The following CNBD1 variants were observed in gnomAD, a reference collection of about 807,000 sequenced individuals.
The protein encoded by CNBD1 is cyclic nucleotide binding domain containing 1.
In CNBD1, 71 loss-of-function variants were observed where a neutral mutation model predicts 54.4. That is an observed-to-expected ratio of 1.30 (90% confidence interval 1.08 to 1.59). The LOEUF is 1.59. CNBD1 is among the 40% of genes most tolerant of loss of function. The pLI is 0.00. For missense variants in CNBD1, 659 were observed against 518.0 expected (o/e 1.27, Z -2.64); for synonymous variants, 182 against 170.7 (o/e 1.07, Z -0.51).
chr8:87,039,693 G>A (rs1328076737), intron 4 of CNBD1, among the ~76,000 whole-genome samples: 1 of 152,146 alleles, frequency 6.6e-6, no homozygotes, highest in Non-Finnish European at 1.5e-5. Context: ...CCAGAGTTTT[G>A]TAATTACTCA....
downstream of CNBD1, among the ~76,000 whole-genome samples, chr8:87,385,296 G>A (rs546855724): frequency 4.8e-4 from 73 of 152,260 alleles, no homozygotes; most frequent in Non-Finnish European, 8.1e-4. Context: ...GCAGCGCACC[G>A]AGTGTGAGCC....
chr8:87,234,932 C>T (rs1467211655), intron 5 of CNBD1, among the ~76,000 whole-genome samples: 13 of 152,148 alleles, frequency 8.5e-5, no homozygotes, highest in Admixed American at 8.5e-4. Flanking sequence ...TTAGTGTAAC[C>T]ACCTTTATCA....
intron 4 of CNBD1, among the ~76,000 whole-genome samples, chr8:87,122,583 T>G (rs1482311039): frequency 6.6e-6 from 1 of 151,890 alleles, no homozygotes; most frequent in Non-Finnish European, 1.5e-5. Flanking sequence ...GCCTGTGTTT[T>G]AGGAGTCGTA....
At chr8:87,391,912 G>A (rs191380051) in intron 2 of CNBD1, among the ~76,000 whole-genome samples, 76 of 152,172 alleles carry the variant, frequency 5.0e-4, no homozygotes, top group Admixed American at 8.5e-4. Context: ...TCCACAGAAT[G>A]TGAGAAAATT....
At chr8:87,410,141 T>C (rs1807716931) in intron 2 of CNBD1, among the ~76,000 whole-genome samples, 1 of 152,160 alleles carries the variant, frequency 6.6e-6, no homozygotes, top group African/African-American at 2.4e-5. Context: ...AAGCCCAGAA[T>C]TGAGACCTAC....
intron 1 of CNBD1, among the ~76,000 whole-genome samples, chr8:86,884,081 G>A (rs1311414226): frequency 6.6e-6 from 1 of 151,608 alleles, no homozygotes; most frequent in Admixed American, 6.6e-5. Flanking sequence ...GAACCCGGGA[G>A]GCGGAGCTTG....
intron 10 of CNBD1, among the ~76,000 whole-genome samples, chr8:87,376,919 G>C (rs1321851892): frequency 6.6e-6 from 1 of 151,234 alleles, no homozygotes; most frequent in Non-Finnish European, 1.5e-5. Flanking sequence ...TTTACTTGAG[G>C]ACACATGTCT....
intron 4 of CNBD1, among the ~76,000 whole-genome samples, chr8:87,085,345 T>G (rs1245854384): frequency 6.6e-6 from 1 of 152,154 alleles, no homozygotes; most frequent in Admixed American, 6.5e-5. Flanking sequence ...TTCTCAAATT[T>G]TGTACTTGAT....
At chr8:87,091,662 C>T (rs1040857626) in intron 4 of CNBD1, among the ~76,000 whole-genome samples, 1 of 152,160 alleles carries the variant, frequency 6.6e-6, no homozygotes, top group Non-Finnish European at 1.5e-5. Flanking sequence ...CCATTTTCTT[C>T]AGGGACTGGG....
At position 87,301,236 on chromosome 8, in the gene CNBD1, C is replaced by T. The variant is rs570860000; in HGVS notation, c.1042+14565C>T. ...AATTGCCAACAAAAAAAGTCCAGGA[C>T]CAGATGGATTCACAGCAGAATTCTA... On this transcript the variant is annotated intron_variant, in intron 8 of 10. Coordinates refer to ENST00000518476, the MANE Select transcript of CNBD1 (RefSeq NM_173538.3). Among the ~76,000 whole-genome samples the T allele has an allele frequency of 4.6e-5, 7 of 152,152 alleles. No homozygotes were observed. The South Asian group carries it at 1.5e-3, about 32-fold the overall frequency.
chr8:87,110,452 C>T (rs1457874524), intron 4 of CNBD1, among the ~76,000 whole-genome samples: 1 of 152,106 alleles, frequency 6.6e-6, no homozygotes, highest in Admixed American at 6.5e-5. Flanking sequence ...TACACGCTGC[C>T]TCCAACATCC....
In CNBD1 at chr8:87,368,846, C is replaced by T. The variant is rs144154655; in HGVS notation, c.1304-13774C>T. Among the ~76,000 whole-genome samples the T allele has an allele frequency of 2.0e-5, 3 of 152,018 alleles. No homozygotes were observed. The East Asian group carries it at 5.9e-4, about 30-fold the overall frequency. On this transcript the variant is annotated intron_variant, in intron 10 of 10. Coordinates refer to ENST00000518476, the MANE Select transcript of CNBD1 (RefSeq NM_173538.3). ...ACATATCTGAGGGTTACATTCTGTGCAAATCTGCCATAGGAGAATTATGTG... is the reference window on the plus strand; with the variant it reads ...ACATATCTGAGGGTTACATTCTGTGTAAATCTGCCATAGGAGAATTATGTG...
intron 4 of CNBD1, among the ~76,000 whole-genome samples, chr8:87,020,280 T>TACATC (rs2130575342): frequency 1.3e-5 from 2 of 152,176 alleles, no homozygotes; most frequent in Admixed American, 1.3e-4. Context: ...AATTGGCTAT[T>TACATC]ACATCACATC....
chr8:87,325,759 C>T (rs200411318), intron 8 of CNBD1, among the ~76,000 whole-genome samples: 5 of 147,668 alleles, frequency 3.4e-5, no homozygotes, highest in East Asian at 2.0e-4. Flanking sequence ...CTTTATCCAA[C>T]TTGCCAGTCT....
intron 2 of CNBD1, among the ~76,000 whole-genome samples, chr8:87,424,810 C>G (rs1261850355): frequency 6.6e-6 from 1 of 152,128 alleles, no homozygotes; most frequent in East Asian, 1.9e-4. Flanking sequence ...TGGAGTTGCT[C>G]TTCTCCAGGA....
chr8:86,917,585 G>A lies in CNBD1; in HGVS notation c.272+12391G>A, dbSNP rs13274484. Among the ~76,000 whole-genome samples the A allele has an allele frequency of 7.4e-3, 1,126 of 152,270 alleles. 7 individuals are homozygous for A. Among genetic ancestry groups the A allele is most frequent in the Non-Finnish European group, 0.012 (821 of 68,020 alleles). ...GGACTGATGGGTGGTAGGACTCTGG[G>A]GAGGGGAAGACCAAGCTGCTGAGTC... On this transcript the variant is annotated intron_variant, in intron 3 of 10. Coordinates refer to ENST00000518476, the MANE Select transcript of CNBD1 (RefSeq NM_173538.3).
In CNBD1 at chr8:87,296,032, C is replaced by A. The variant is rs746097404; in HGVS notation, c.1042+9361C>A. ...TAACAATGATTATTGCTGCTTGGTG[C>A]TATTGATTGTCTTTTTTCCTGTTTT... On this transcript the variant is annotated intron_variant, in intron 8 of 10. Coordinates refer to ENST00000518476, the MANE Select transcript of CNBD1 (RefSeq NM_173538.3). 2.0e-5 allele frequency among the ~76,000 whole-genome samples: 3 copies of A among 152,026 alleles called. No individual in the cohort carries two copies. In the East Asian group the frequency reaches 5.8e-4, roughly 29 times the overall value.
chr8:87,252,515 A>G (rs944062023), intron 6 of CNBD1, among the ~76,000 whole-genome samples: 2 of 152,190 alleles, frequency 1.3e-5, no homozygotes, highest in Non-Finnish European at 2.9e-5. Context: ...TTATTTTTCC[A>G]CTGGTATTTT....
chr8:86,980,672 C>T (rs536974863), intron 4 of CNBD1, among the ~76,000 whole-genome samples: 1 of 152,240 alleles, frequency 6.6e-6, no homozygotes, highest in East Asian at 1.9e-4. Context: ...ATTTGCTGTA[C>T]TGGTATTAAG....
Sources: gnomAD v4.1 joint callset for allele counts (sites outside exome capture counted in the v4.1 genomes callset) on GRCh38, gnomAD v4.1.1 for gene constraint, MANE v1.5 for transcripts, NCBI Gene and HGNC (gene_info 2026-07-23, HGNC 2026-07-21) for gene names.